PHACTR1: variants seen among roughly 807,000 people sequenced by gnomAD.
PHACTR1 encodes the protein RPEL repeat containing 1.
In PHACTR1, 16 loss-of-function variants were observed where a neutral mutation model predicts 69.2. That is an observed-to-expected ratio of 0.23 (90% CI 0.16 to 0.35). The LOEUF (loss-of-function observed/expected upper bound fraction) is 0.35, where lower values mean the gene tolerates loss of function less well. Among genes scored for constraint, PHACTR1 ranks in the 10% least tolerant of loss-of-function variants. PHACTR1 has a pLI of 1.00. For synonymous variants in PHACTR1, 312 were observed against 284.5 expected (o/e 1.10, Z -0.97); for missense variants, 510 against 734.7 (o/e 0.69, Z 3.54).
chr6:13,116,037 C>A (rs374498477), intron 5 of PHACTR1, among the ~76,000 whole-genome samples: 35 of 152,292 alleles, frequency 2.3e-4, no homozygotes, highest in African/African-American at 8.2e-4. Context: ...TGCAGACTGT[C>A]TCTTGACACA....
At chr6:12,917,191 G>T (rs555436299) in intron 4 of PHACTR1, among the ~76,000 whole-genome samples, 1 of 152,286 alleles carries the variant, frequency 6.6e-6, no homozygotes, top group Non-Finnish European at 1.5e-5. Context: ...TTTTCAAGTT[G>T]TACACCAGTT....
At chr6:12,993,918 G>A (rs1295415492) in intron 4 of PHACTR1, among the ~76,000 whole-genome samples, 1 of 152,104 alleles carries the variant, frequency 6.6e-6, no homozygotes, top group African/African-American at 2.4e-5. Context: ...AAAATCTCCA[G>A]ATCACATGAA....
chr6:12,770,655 A>G (rs1769265490), intron 4 of PHACTR1, among the ~76,000 whole-genome samples: 1 of 152,194 alleles, frequency 6.6e-6, no homozygotes. Flanking sequence ...TTTACAGATG[A>G]TCTGCAGTGC....
At chr6:12,726,905 T>G (rs758336190) in intron 3 of PHACTR1, among the ~76,000 whole-genome samples, 2 of 152,248 alleles carry the variant, frequency 1.3e-5, no homozygotes, top group Admixed American at 6.5e-5. Flanking sequence ...ATAGTTGATA[T>G]GTAATCATAC....
intron 4 of PHACTR1, among the ~76,000 whole-genome samples, chr6:12,821,851 G>A (rs908330361): frequency 6.6e-6 from 1 of 152,196 alleles, no homozygotes; most frequent in Non-Finnish European, 1.5e-5. Flanking sequence ...CACACAAACT[G>A]GTCCAGATTC....
intron 5 of PHACTR1, among the ~76,000 whole-genome samples, chr6:13,116,477 A>G (rs1380634047): frequency 2.0e-5 from 3 of 152,216 alleles, no homozygotes; most frequent in Non-Finnish European, 4.4e-5. Flanking sequence ...AAGTCATTTA[A>G]GGCTGCCTTG....
chr6:13,037,709 A>G (rs899498915), intron 4 of PHACTR1, among the ~76,000 whole-genome samples: 1 of 152,222 alleles, frequency 6.6e-6, no homozygotes, highest in African/African-American at 2.4e-5. Flanking sequence ...TGGGGGATTC[A>G]TAGAGGAACC....
At chr6:12,983,384 G>A (rs1795746836) in intron 4 of PHACTR1, among the ~76,000 whole-genome samples, 1 of 152,162 alleles carries the variant, frequency 6.6e-6, no homozygotes, top group African/African-American at 2.4e-5. Context: ...TGAAGACATG[G>A]AGAAGTAGAG....
At chr6:12,805,716 T>G (rs1160201063) in intron 4 of PHACTR1, among the ~76,000 whole-genome samples, 1 of 151,980 alleles carries the variant, frequency 6.6e-6, no homozygotes, top group South Asian at 2.1e-4. Context: ...TTCTCCTGCC[T>G]CCGTTTCCTG....
intron 4 of PHACTR1, among the ~76,000 whole-genome samples, chr6:12,911,563 C>T (rs1261609425): frequency 6.6e-6 from 1 of 152,020 alleles, no homozygotes; most frequent in East Asian, 1.9e-4. Context: ...TAGAGGGCAA[C>T]ATATGTTAAA....
chr6:12,869,364 A>G (rs1218448710), intron 4 of PHACTR1, among the ~76,000 whole-genome samples: 3 of 152,108 alleles, frequency 2.0e-5, no homozygotes, highest in African/African-American at 7.2e-5. Flanking sequence ...GTCCAGCCCT[A>G]TCCCAATCCC....
At chr6:13,239,807 CTGTG>C (rs374212942) in intron 10 of PHACTR1, among the ~76,000 whole-genome samples, 1 of 152,178 alleles carries the variant, frequency 6.6e-6, no homozygotes, top group Non-Finnish European at 1.5e-5. Context: ...AGCCTCGACT[CTGTG>C]TGTATGTCCA....
chr6:13,196,577 C>T (rs532581717), intron 7 of PHACTR1: 25 of 156,760 alleles, frequency 1.6e-4, no homozygotes, highest in Admixed American at 1.2e-3. Context: ...CATGCCACTG[C>T]GCCCAGCTAA....
At chr6:13,276,671 C>G (rs1359171465) in intron 11 of PHACTR1, among the ~76,000 whole-genome samples, 2 of 152,102 alleles carry the variant, frequency 1.3e-5, no homozygotes, top group African/African-American at 4.8e-5. Flanking sequence ...ACTCGGGAGG[C>G]TGAGGCAGGA....
chr6:13,145,713 T>C (rs1236812574), intron 5 of PHACTR1, among the ~76,000 whole-genome samples: 2 of 152,134 alleles, frequency 1.3e-5, no homozygotes, highest in Admixed American at 6.5e-5. Flanking sequence ...AAAGGCCTCG[T>C]GAACACACAG....
At chr6:12,973,590 T>A (rs954705362) in intron 4 of PHACTR1, among the ~76,000 whole-genome samples, 1 of 152,210 alleles carries the variant, frequency 6.6e-6, no homozygotes, top group Admixed American at 6.5e-5. Flanking sequence ...GAGACAAATA[T>A]AAGCTTCATA....
chr6:12,741,381 A>G (rs1312293542), intron 3 of PHACTR1, among the ~76,000 whole-genome samples: 1 of 151,902 alleles, frequency 6.6e-6, no homozygotes, highest in Non-Finnish European at 1.5e-5. Flanking sequence ...TTTGTTATTA[A>G]CCTTTAATTT....
At chr6:12,749,168 G>A (rs1307807770) in intron 3 of PHACTR1, among the ~76,000 whole-genome samples, 1 of 152,244 alleles carries the variant, frequency 6.6e-6, no homozygotes, top group Non-Finnish European at 1.5e-5. Flanking sequence ...GAAGGAGACC[G>A]TAGTGTGCAC....
chr6:12,788,163 A>T (rs1307723572), intron 4 of PHACTR1, among the ~76,000 whole-genome samples: 3 of 45,428 alleles, frequency 6.6e-5, no homozygotes, highest in South Asian at 4.6e-4. Context: ...ATCTCAAATT[A>T]AAAAAAAAAA....
Sources: allele counts gnomAD v4.1 joint callset (sites outside exome capture counted in the v4.1 genomes callset), GRCh38; gene constraint gnomAD v4.1.1; transcripts MANE v1.5; gene names NCBI Gene and HGNC (gene_info 2026-07-23, HGNC 2026-07-21).